The following PPP2R2C variants were observed in gnomAD, a reference collection of about 807,000 sequenced individuals.
The protein encoded by PPP2R2C is protein phosphatase 2, regulatory subunit B, gamma.
A neutral mutation model predicts 45.3 loss-of-function variants in PPP2R2C; 10 were observed. The observed-to-expected ratio is 0.22, with a 90% CI of 0.14 to 0.37. PPP2R2C has a LOEUF of 0.37. Ranked by LOEUF, PPP2R2C falls within the 10% of genes least tolerant of loss-of-function variation. The probability of loss-of-function intolerance (pLI) is 1.00; values close to 1 mark genes in which losing one functional copy is unlikely to be tolerated. For synonymous variants in PPP2R2C, 257 were observed against 245.4 expected (o/e 1.05, Z -0.44); for missense variants, 308 against 619.7 (o/e 0.50, Z 5.34).
rs144223941 is a variant in PPP2R2C, at chr4:6,422,852, C to T, written c.71-41758G>A. 6.6e-4 allele frequency among the ~76,000 whole-genome samples: 100 copies of T among 152,330 alleles called. 1 individual carries two copies. In the East Asian group the frequency reaches 0.016, roughly 24 times the overall value. The stretch of plus-strand genomic sequence containing the variant: ...GGAGCAGACACAATTCAGCCCATAA[C>T]AGTAACACAGTAGGACCTCAGTATA... On this transcript the variant is annotated intron_variant, in intron 1 of 8. Coordinates refer to ENST00000382599, the MANE Select transcript of PPP2R2C (RefSeq NM_020416.4).
At chr4:6,451,299 C>T (rs1254983476) in intron 1 of PPP2R2C, among the ~76,000 whole-genome samples, 1 of 152,220 alleles carries the variant, frequency 6.6e-6, no homozygotes, top group African/African-American at 2.4e-5. Context: ...ACCCTGCCAA[C>T]ACTCCAGCCC....
intron 1 of PPP2R2C, among the ~76,000 whole-genome samples, chr4:6,551,788 C>T (rs1161479050): frequency 6.6e-6 from 1 of 152,198 alleles, no homozygotes; most frequent in Non-Finnish European, 1.5e-5. Context: ...GCCACCCAGC[C>T]CAGTCCATCC....
chr4:6,425,483 G>A (rs57858478), intron 1 of PPP2R2C, among the ~76,000 whole-genome samples: 4,630 of 152,258 alleles, frequency 0.03, 133 homozygotes, highest in East Asian at 0.093. Flanking sequence ...GGAAGTCTGG[G>A]GGTGTCCCCA....
At chr4:6,382,200 C>A in intron 1 of PPP2R2C, 1 of 1,193,832 alleles carries the variant, frequency 8.4e-7, no homozygotes, top group Non-Finnish European at 1.1e-6. Context: ...AGAATACCAT[C>A]CCCATAGGCC....
intron 1 of PPP2R2C, among the ~76,000 whole-genome samples, chr4:6,420,497 C>T (rs1270461994): frequency 1.3e-5 from 2 of 152,148 alleles, no homozygotes; most frequent in Non-Finnish European, 2.9e-5. Flanking sequence ...CCCCGCCTTG[C>T]GAGTCCGGAG....
chr4:6,422,502 C>G lies in PPP2R2C; in HGVS notation c.71-41408G>C, dbSNP rs138041480. ...TTCTAGTGCCACCATAACAAAGTGCCCCAGACTGTGCCACTTAAACAAAAG... is the reference window on the plus strand; with the variant it reads ...TTCTAGTGCCACCATAACAAAGTGCGCCAGACTGTGCCACTTAAACAAAAG... On this transcript the variant is annotated intron_variant, in intron 1 of 8. Transcript: ENST00000382599. 2.5e-3 allele frequency among the ~76,000 whole-genome samples: 379 copies of G among 152,302 alleles called. 6 individuals are homozygous for G. Among genetic ancestry groups the G allele is most frequent in the East Asian group, 0.02 (102 of 5,186 alleles).
chr4:6,394,177 G>A (rs916298406), intron 1 of PPP2R2C, among the ~76,000 whole-genome samples: 3 of 152,216 alleles, frequency 2.0e-5, no homozygotes, highest in Admixed American at 6.5e-5. Context: ...TTCCTGTGGT[G>A]TGCCAAGGTT....
intron 1 of PPP2R2C, among the ~76,000 whole-genome samples, chr4:6,415,580 A>G (rs886239445): frequency 2.6e-5 from 4 of 152,150 alleles, no homozygotes; most frequent in Non-Finnish European, 5.9e-5. Context: ...CCTCACCCAT[A>G]GCTCATTCCA....
In PPP2R2C at chr4:6,560,062, A is replaced by G. The variant is rs564240434; in HGVS notation, c.-59+3498T>C. On this transcript the variant is annotated intron_variant, in intron 1 of 9. Transcript: ENST00000506140. ...ACATGTCCCTTAAGGTGTTGGGGGA[A>G]CCACAGGGGAAGCCCACCAAGGAAG... 3.5e-3 allele frequency among the ~76,000 whole-genome samples: 537 copies of G among 152,370 alleles called. 5 individuals are homozygous for G. The highest frequency in any genetic ancestry group is 0.012 in the African/African-American group (514 of 41,590).
intron 1 of PPP2R2C, among the ~76,000 whole-genome samples, chr4:6,426,915 CTT>C (rs111867462): frequency 7.4e-4 from 112 of 152,338 alleles, no homozygotes; most frequent in African/African-American, 2.3e-3. Flanking sequence ...ACTGGGGAGT[CTT>C]TGAGCACCAA....
In PPP2R2C at chr4:6,427,947, G is replaced by C. The variant is rs540645745; in HGVS notation, c.70+44213C>G. 9.9e-5 allele frequency among the ~76,000 whole-genome samples: 15 copies of C among 152,282 alleles called. No homozygotes were observed. In the South Asian group the frequency reaches 1.2e-3, roughly 13 times the overall value. On this transcript the variant is annotated intron_variant, in intron 1 of 8. Transcript: ENST00000382599. The stretch of plus-strand genomic sequence containing the variant: ...TCAGTTGATCCCCTAACAGCCCAAG[G>C]AGGTGGGCACTGTTATTCCTGTTTT...
intron 5 of PPP2R2C, among the ~76,000 whole-genome samples, chr4:6,365,210 A>G (rs1714182886): frequency 6.6e-6 from 1 of 152,166 alleles, no homozygotes; most frequent in Non-Finnish European, 1.5e-5. Flanking sequence ...GAATCAACCA[A>G]TGAATGCACA....
intron 1 of PPP2R2C, among the ~76,000 whole-genome samples, chr4:6,540,368 G>A (rs1311733112): frequency 6.6e-6 from 1 of 152,208 alleles, no homozygotes; most frequent in East Asian, 1.9e-4. Context: ...AACATGATGT[G>A]TTCAAGGTTC....
intron 2 of PPP2R2C, among the ~76,000 whole-genome samples, chr4:6,533,439 CA>C (rs1217319743): frequency 6.6e-6 from 1 of 152,204 alleles, no homozygotes; most frequent in African/African-American, 2.4e-5. Flanking sequence ...CTGCCCCAAA[CA>C]AAAGGTGCCC....
chr4:6,521,839 T>C, intron 2 of PPP2R2C, among the ~76,000 whole-genome samples: 1 of 152,098 alleles, frequency 6.6e-6, no homozygotes, highest in East Asian at 1.9e-4. Flanking sequence ...ATATTACAAA[T>C]GAGGAAACTG....
At chr4:6,424,713 C>T (rs1390869434) in intron 1 of PPP2R2C, among the ~76,000 whole-genome samples, 1 of 152,130 alleles carries the variant, frequency 6.6e-6, no homozygotes, top group African/African-American at 2.4e-5. Flanking sequence ...GCCGTGTGTG[C>T]AAGGGTTCAG....
intron 1 of PPP2R2C, among the ~76,000 whole-genome samples, chr4:6,436,249 C>A (rs1577181517): frequency 6.6e-6 from 1 of 152,204 alleles, no homozygotes; most frequent in Non-Finnish European, 1.5e-5. Flanking sequence ...GCAGCATGAA[C>A]AGACTAAGAC....
chr4:6,415,006 A>G (rs117199258), intron 1 of PPP2R2C, among the ~76,000 whole-genome samples: 1 of 152,326 alleles, frequency 6.6e-6, no homozygotes, highest in East Asian at 1.9e-4. Context: ...CGCTCACACG[A>G]CAGGAAGGGA....
intron 1 of PPP2R2C, among the ~76,000 whole-genome samples, chr4:6,398,698 A>G (rs1717217842): frequency 6.6e-6 from 1 of 152,224 alleles, no homozygotes; most frequent in South Asian, 2.1e-4. Context: ...CAGTTTCTTA[A>G]AGCGTGAAAA....
Sources: gnomAD v4.1 joint callset for allele counts (sites outside exome capture counted in the v4.1 genomes callset) on GRCh38, gnomAD v4.1.1 for gene constraint, MANE v1.5 for transcripts, NCBI Gene and HGNC (gene_info 2026-07-23, HGNC 2026-07-21) for gene names.